Variants in FBXO15 observed in about 807,000 individuals in gnomAD.
The protein encoded by FBXO15 is F-box protein 15.
In FBXO15, 30 loss-of-function variants were observed where a neutral mutation model predicts 49.5. The ratio of observed to expected loss-of-function variants is 0.61; its 90% CI spans 0.45 to 0.82. The LOEUF is 0.82. Among genes scored for constraint, FBXO15 ranks in the 40% least tolerant of loss-of-function variants. FBXO15 has a pLI of 0.00. For missense variants in FBXO15, 591 were observed against 631.5 expected (o/e 0.94, Z 0.69); for synonymous variants, 250 against 232.7 (o/e 1.07, Z -0.68).
intron 3 of FBXO15, among the ~76,000 whole-genome samples, chr18:74,135,195 C>G (rs1189773445): frequency 6.6e-6 from 1 of 152,162 alleles, no homozygotes; most frequent in Non-Finnish European, 1.5e-5. Flanking sequence ...AGGTGAACCC[C>G]TCTCTTTTGG....
At chr18:74,098,654 C>T (rs1452747959) in intron 8 of FBXO15, 1 of 152,100 alleles carries the variant, frequency 6.6e-6, no homozygotes, top group Non-Finnish European at 1.5e-5. Context: ...ATTGGCATTC[C>T]TGGGAAAGAA....
chr18:74,076,643 C>T lies in FBXO15; in HGVS notation c.1264-2913G>A, dbSNP rs192221224. ...ACTGCTCTTCCTTTAAGGAGGCAGC[C>T]ATCTAACTGATCTCCCCACTCATTC... On this transcript the variant is annotated intron_variant, in intron 9 of 9. Transcript: ENST00000419743. The T allele has an allele frequency of 5.6e-4, 86 of 152,330 alleles. 1 individual carries two copies. Among genetic ancestry groups the T allele is most frequent in the African/African-American group, 2.0e-3 (82 of 41,560 alleles). 9.4% of individuals were successfully genotyped at this position (152,330 alleles called of 1,614,324 possible). A position where few individuals can be genotyped will look rare whatever the true frequency, so the allele number is the denominator to read the frequency against.
chr18:74,101,444 A>G (rs1175969017), intron 8 of FBXO15, among the ~76,000 whole-genome samples: 1 of 152,078 alleles, frequency 6.6e-6, no homozygotes, highest in African/African-American at 2.4e-5. Flanking sequence ...ACTACAAAAC[A>G]CTGCTGAAAG....
At chr18:74,121,476 A>C (rs1303750668) in intron 8 of FBXO15, among the ~76,000 whole-genome samples, 1 of 152,264 alleles carries the variant, frequency 6.6e-6, no homozygotes, top group Non-Finnish European at 1.5e-5. Flanking sequence ...AAACTGAAAG[A>C]TGTTCCACAT....
intron 9 of FBXO15, among the ~76,000 whole-genome samples, chr18:74,077,947 C>A (rs1040521953): frequency 6.6e-6 from 1 of 152,180 alleles, no homozygotes; most frequent in African/African-American, 2.4e-5. Flanking sequence ...AACCCACCAG[C>A]ATAGAGATGG....
rs1247397352 is a variant in FBXO15, at chr18:74,147,692, G to A, written c.94C>T (p.Arg32Cys). ...PSRGGGAARG[R>C]ARAFGCRKGP... ...CACCTGCACCCAAAGGCCCTGGCGC[G>A]CCCCCGGGCCGCGCCACCGCCCCTG... The change falls in exon 1 of 10, where the codon CGC becomes TGC. Residue 32 changes from arginine to cysteine, a missense_variant. Arg to Cys is a radical substitution (Grantham distance 180, BLOSUM62 -3). Coordinates refer to ENST00000419743, the MANE Select transcript of FBXO15 (RefSeq NM_001142958.2). 6.7e-7 allele frequency: 1 copy of A among 1,500,232 alleles called. No individual in the cohort carries two copies. The allele number at this position is 1,500,232 out of a possible 1,614,324, so 92.9% of individuals were successfully genotyped here.
chr18:74,140,243 G>C lies in FBXO15; in HGVS notation c.186C>G (p.His62Gln). ...AACAGCAGGAGAAAGAGCTCTCCCAGTGCTGTCCACCTCCGGCATGGCACC... is the reference window on the plus strand; with the variant it reads ...AACAGCAGGAGAAAGAGCTCTCCCACTGCTGTCCACCTCCGGCATGGCACC... ...ALRCHAGGGQ[H>Q]WESSFSCCSG... Residue 62 changes from histidine (H) to glutamine (Q), a missense_variant, in exon 2 of 10, where the codon CAC becomes CAG. By Grantham distance (24) the His-to-Gln change is conservative (BLOSUM62 0). Coordinates refer to ENST00000419743, the MANE Select transcript of FBXO15 (RefSeq NM_001142958.2). 4 of 1,551,510 alleles carry C rather than the reference G, an allele frequency of 2.6e-6. No individual in the cohort carries two copies. Among genetic ancestry groups the C allele is most frequent in the African/African-American group, 2.7e-5 (2 of 73,166 alleles).
chr18:74,141,042 G>A (rs1979042640), intron 1 of FBXO15, among the ~76,000 whole-genome samples: 1 of 152,150 alleles, frequency 6.6e-6, no homozygotes, highest in Admixed American at 6.5e-5. Flanking sequence ...CCCATTCAAT[G>A]CAATATATTT....
In FBXO15 at chr18:74,137,969, C is replaced by G. The variant is rs116139720; in HGVS notation, c.228-2103G>C. Among the ~76,000 whole-genome samples the G allele has an allele frequency of 3.5e-3, 530 of 152,180 alleles. 2 individuals carry two copies. The highest frequency in any genetic ancestry group is 0.012 in the African/African-American group (509 of 41,504). ...CTTCCCCCTATTCCGATGGAGAATG[C>G]TCACTTCCTCTCATCAAAGCACCGG... is the stretch of plus-strand genomic sequence containing the variant. On this transcript the variant is annotated intron_variant, in intron 2 of 9. Coordinates refer to ENST00000419743, the MANE Select transcript of FBXO15 (RefSeq NM_001142958.2).
At chr18:74,090,302 C>G (rs1324355003) in intron 8 of FBXO15, among the ~76,000 whole-genome samples, 3 of 152,028 alleles carry the variant, frequency 2.0e-5, no homozygotes, top group African/African-American at 7.2e-5. Context: ...TGTATCTTCT[C>G]TATTTTTTAT....
intron 8 of FBXO15, among the ~76,000 whole-genome samples, chr18:74,094,654 G>T (rs1053367137): frequency 1.3e-5 from 2 of 152,178 alleles, no homozygotes. Flanking sequence ...CGGCTGTGTT[G>T]TCTCATTTAT....
chr18:74,100,644 A>C (rs924510563), intron 8 of FBXO15, among the ~76,000 whole-genome samples: 15 of 152,108 alleles, frequency 9.9e-5, no homozygotes, highest in Admixed American at 9.8e-4. Flanking sequence ...TGAAAAAATA[A>C]ATAAAATTGA....
At chr18:74,083,796 T>G (rs1010074793) in intron 8 of FBXO15, among the ~76,000 whole-genome samples, 6 of 152,218 alleles carry the variant, frequency 3.9e-5, no homozygotes, top group African/African-American at 1.4e-4. Context: ...CTTCCTACAT[T>G]TAAACAGTCT....
At chr18:74,098,708 G>T (rs1173802147) in intron 8 of FBXO15, 1 of 152,190 alleles carries the variant, frequency 6.6e-6, no homozygotes, top group Non-Finnish European at 1.5e-5. Context: ...GGAATAATCC[G>T]GGAAACTTCA....
intron 1 of FBXO15, among the ~76,000 whole-genome samples, chr18:74,144,948 C>T (rs920941322): frequency 6.6e-6 from 1 of 152,190 alleles, no homozygotes; most frequent in African/African-American, 2.4e-5. Flanking sequence ...GTTTTGTAAA[C>T]ATATATGCAT....
intron 7 of FBXO15, among the ~76,000 whole-genome samples, chr18:74,123,856 GA>G (rs749743172): frequency 6.6e-6 from 1 of 152,036 alleles, no homozygotes; most frequent in South Asian, 2.1e-4. Flanking sequence ...TGCTCAGCAG[GA>G]AAAGGCACTG....
At chr18:74,099,436 TGAAACAAATCCTG>T (rs1213026576) in intron 8 of FBXO15, 2 of 152,094 alleles carry the variant, frequency 1.3e-5, no homozygotes, top group Admixed American at 6.6e-5. Context: ...GGCTAAATCT[TGAAACAAATCCTG>T]GAAACACATA....
chr18:74,134,432 G>A (rs183215817), intron 3 of FBXO15, among the ~76,000 whole-genome samples: 53 of 146,942 alleles, frequency 3.6e-4, no homozygotes, highest in African/African-American at 7.4e-4. Context: ...GTGCAGTGGC[G>A]ATCTCAGCTC....
intron 2 of FBXO15, among the ~76,000 whole-genome samples, chr18:74,138,649 C>CT (rs1978873967): frequency 6.6e-6 from 1 of 152,056 alleles, no homozygotes; most frequent in Admixed American, 6.5e-5. Context: ...ATCCATCATC[C>CT]ATCTGGCATC....
Sources: gnomAD v4.1 joint callset for allele counts (sites outside exome capture counted in the v4.1 genomes callset) on GRCh38, gnomAD v4.1.1 for gene constraint, MANE v1.5 for transcripts, NCBI Gene and HGNC (gene_info 2026-07-23, HGNC 2026-07-21) for gene names.